Variants in VANGL1 observed in about 807,000 individuals in gnomAD.
The protein encoded by VANGL1 is VANGL planar cell polarity protein 1.
Under a neutral mutation model 48.4 loss-of-function variants are expected in VANGL1, and 18 were observed. That is an observed-to-expected ratio of 0.37 (90% CI 0.26 to 0.55). The LOEUF (loss-of-function observed/expected upper bound fraction) is 0.55. Ranked by LOEUF, VANGL1 falls within the 20% of genes least tolerant of loss-of-function variation. The pLI is 0.81. For missense variants in VANGL1, 667 were observed against 675.8 expected (o/e 0.99, Z 0.14); for synonymous variants, 257 against 261.8 (o/e 0.98, Z 0.18).
At position 115,691,493 on chromosome 1, in the gene VANGL1, G is replaced by A. The variant is rs1441299306; in HGVS notation, c.*114G>A. ...TTCTTCTTCATTGCTGACTGAAACT[G>A]GCAGATGATTGACCAGTATCCTTTG... On this transcript the variant is annotated 3_prime_UTR_variant, in exon 8 of 8. Transcript: ENST00000355485. The A allele has an allele frequency of 8.4e-7, 1 of 1,195,984 alleles. No homozygotes were observed. The highest frequency in any genetic ancestry group is 1.1e-6 in the Non-Finnish European group (1 of 873,742). 74.1% of individuals were successfully genotyped at this position (1,195,984 alleles called of 1,614,324 possible). A position where few individuals can be genotyped will look rare whatever the true frequency, so the allele number is the denominator to read the frequency against.
At chr1:115,674,925 T>G (rs1653108740) in intron 4 of VANGL1, among the ~76,000 whole-genome samples, 1 of 151,554 alleles carries the variant, frequency 6.6e-6, no homozygotes, top group Non-Finnish European at 1.5e-5. Flanking sequence ...GAATGGGAAG[T>G]AGAAGGGACC....
chr1:115,676,556 T>TA (rs2101020537), intron 4 of VANGL1, among the ~76,000 whole-genome samples: 1 of 152,346 alleles, frequency 6.6e-6, no homozygotes, highest in South Asian at 2.1e-4. Flanking sequence ...TATTTCATCT[T>TA]CAGCACAGAC....
chr1:115,662,264 G>A (rs1652588065), intron 3 of VANGL1, among the ~76,000 whole-genome samples: 2 of 152,078 alleles, frequency 1.3e-5, no homozygotes, highest in Admixed American at 6.6e-5. Flanking sequence ...TTGATGATGA[G>A]CGATGTCTGT....
chr1:115,676,622 C>A (rs1336040739), intron 4 of VANGL1, among the ~76,000 whole-genome samples: 3 of 152,200 alleles, frequency 2.0e-5, no homozygotes, highest in Admixed American at 2.0e-4. Context: ...GGTGAACTCC[C>A]AAGTCTCCAG....
intron 3 of VANGL1, among the ~76,000 whole-genome samples, chr1:115,661,678 C>A (rs1018768928): frequency 6.6e-6 from 1 of 151,982 alleles, no homozygotes; most frequent in Non-Finnish European, 1.5e-5. Context: ...AGTGCAGCGG[C>A]ATGATATCAC....
At chr1:115,652,461 G>C (rs1472587742) in intron 2 of VANGL1, among the ~76,000 whole-genome samples, 2 of 152,312 alleles carry the variant, frequency 1.3e-5, no homozygotes, top group East Asian at 3.9e-4. Flanking sequence ...TGTAAAATGG[G>C]TACAGCAGTC....
At chr1:115,659,209 G>C (rs929433560) in intron 2 of VANGL1, among the ~76,000 whole-genome samples, 1 of 151,848 alleles carries the variant, frequency 6.6e-6, no homozygotes, top group East Asian at 1.9e-4. Flanking sequence ...CAAAAAAATA[G>C]ATATTTTTTT....
chr1:115,681,513 T>G (rs916660962), intron 4 of VANGL1, among the ~76,000 whole-genome samples: 12 of 101,192 alleles, frequency 1.2e-4, no homozygotes, highest in Admixed American at 5.9e-4. Flanking sequence ...GTTTTTTTTG[T>G]TTTTTTTTTT....
At chr1:115,648,049 G>T (rs182306262) in intron 1 of VANGL1, among the ~76,000 whole-genome samples, 2 of 152,162 alleles carry the variant, frequency 1.3e-5, no homozygotes, top group Non-Finnish European at 2.9e-5. Flanking sequence ...AAGGGATAAC[G>T]TGATGAGGGG....
intron 4 of VANGL1, among the ~76,000 whole-genome samples, chr1:115,664,827 A>T (rs1012957605): frequency 2.0e-5 from 3 of 152,202 alleles, no homozygotes; most frequent in Non-Finnish European, 4.4e-5. Flanking sequence ...GCGTGAGAAA[A>T]AGTTAGAAGT....
At chr1:115,671,274 A>G (rs1652961691) in intron 4 of VANGL1, 1 of 152,180 alleles carries the variant, frequency 6.6e-6, no homozygotes, top group African/African-American at 2.4e-5. Flanking sequence ...TATTCTCCAC[A>G]CTCACCACAA....
rs193075321 is a variant in VANGL1, at chr1:115,691,680, G to A, written c.*301G>A. The A allele has an allele frequency of 1.3e-4, 44 of 330,274 alleles. No individual in the cohort carries two copies. Among genetic ancestry groups the A allele is most frequent in the Admixed American group, 5.6e-4 (12 of 21,602 alleles). The allele number at this position is 330,274 out of a possible 1,614,324, so 20.5% of individuals were successfully genotyped here. A position where few individuals can be genotyped will look rare whatever the true frequency, so the allele number is the denominator to read the frequency against. Reference sequence around the variant, plus strand: ...GGAGCTGGTGCTTCTTGGGAGCCTCGCCTTACAACTAATTCCTGCCTTTCG... The same window carrying A: ...GGAGCTGGTGCTTCTTGGGAGCCTCACCTTACAACTAATTCCTGCCTTTCG... On this transcript the variant is annotated 3_prime_UTR_variant, in exon 8 of 8. Coordinates refer to ENST00000355485, the MANE Select transcript of VANGL1 (RefSeq NM_138959.3).
At chr1:115,648,081 G>A (rs1219717078) in intron 1 of VANGL1, among the ~76,000 whole-genome samples, 4 of 152,124 alleles carry the variant, frequency 2.6e-5, no homozygotes, top group Non-Finnish European at 5.9e-5. Context: ...AGTGTTAGAG[G>A]AGAAGTAGTA....
intron 4 of VANGL1, among the ~76,000 whole-genome samples, chr1:115,681,491 C>CT (rs1287173554): frequency 6.9e-4 from 78 of 113,726 alleles, no homozygotes; most frequent in African/African-American, 2.1e-3. Context: ...CGGAGGCTCT[C>CT]TTTTTTTTGT....
At chr1:115,660,278 A>G (rs573388598) in intron 3 of VANGL1, among the ~76,000 whole-genome samples, 1 of 152,298 alleles carries the variant, frequency 6.6e-6, no homozygotes, top group Non-Finnish European at 1.5e-5. Flanking sequence ...CTTTGGGTTA[A>G]CAGCAATCTG....
intron 4 of VANGL1, among the ~76,000 whole-genome samples, chr1:115,680,030 A>T (rs879701658): frequency 0.047 from 6,713 of 142,206 alleles, 169 homozygotes; most frequent in East Asian, 0.092. Flanking sequence ...TGTATGTGAG[A>T]GAGAGAGAGA....
intron 1 of VANGL1, among the ~76,000 whole-genome samples, chr1:115,648,775 G>T (rs961693933): frequency 5.3e-5 from 8 of 152,180 alleles, no homozygotes; most frequent in Admixed American, 3.3e-4. Flanking sequence ...GCCCACATCT[G>T]CGGGGCCTGG....
chr1:115,683,944 G>A lies in VANGL1; in HGVS notation c.947G>A (p.Gly316Asp). The change falls in exon 6 of 8, where the codon GGC (glycine) becomes GAC (aspartate). Residue 316 changes from glycine to aspartate, a missense_variant and splice_region_variant. Physicochemically the swap from Gly to Asp is moderately conservative, Grantham distance 94. Transcript: ENST00000355485. The part of the protein sequence containing the change: ...MAGLKVYNVD[G>D]PSNNATGQSR... Reference sequence around the variant, plus strand: ...TTCTTTCACTGTCCTTTCCCCAAAGGCCCCAGTAACAATGCCACTGGCCAG... The same window carrying A: ...TTCTTTCACTGTCCTTTCCCCAAAGACCCCAGTAACAATGCCACTGGCCAG... 2 of 1,612,974 alleles carry A rather than the reference G, an allele frequency of 1.2e-6. No homozygotes were observed. Among genetic ancestry groups the A allele is most frequent in the Non-Finnish European group, 8.5e-7 (1 of 1,179,504 alleles).
intron 4 of VANGL1, among the ~76,000 whole-genome samples, chr1:115,679,330 G>A (rs1256689111): frequency 6.6e-6 from 1 of 152,202 alleles, no homozygotes; most frequent in African/African-American, 2.4e-5. Flanking sequence ...TCACTCTTTG[G>A]GAGGACTGTG....
Sources: allele counts gnomAD v4.1 joint callset (sites outside exome capture counted in the v4.1 genomes callset), GRCh38; gene constraint gnomAD v4.1.1; transcripts MANE v1.5; gene names NCBI Gene and HGNC (gene_info 2026-07-23, HGNC 2026-07-21).